Variants in ITPR2 observed in about 807,000 individuals in gnomAD.
ITPR2 encodes inositol 1,4,5-trisphosphate receptor type 2.
In ITPR2, 207 loss-of-function variants were observed where a neutral mutation model predicts 317.1. That is an observed-to-expected ratio of 0.65 (90% confidence interval 0.58 to 0.73). ITPR2 has a LOEUF of 0.73. Among genes scored for constraint, ITPR2 ranks in the 30% least tolerant of loss-of-function variants. ITPR2 has a pLI of 0.00. For missense variants in ITPR2, 2,613 were observed against 3,284.0 expected, an observed-to-expected ratio of 0.80 and a Z score of 4.99; for synonymous variants, 1,156 against 1,149.1, an observed-to-expected ratio of 1.01 and a Z score of -0.12.
rs1002217789 is a variant in ITPR2 at position 26,376,634 on chromosome 12, C to G, written c.7857+10800G>C. Among the ~76,000 whole-genome samples, 3 of 152,170 alleles carry G rather than the reference C, an allele frequency of 2.0e-5. No homozygotes were observed. The East Asian group carries it at 5.8e-4, about 29-fold the overall frequency. Reference sequence around the variant, plus strand: ...CTAAAATGTAAATCTGCTCCTGTCTCTTTGGTTTAATATCTCTGCAGGGCT... The same window carrying G: ...CTAAAATGTAAATCTGCTCCTGTCTGTTTGGTTTAATATCTCTGCAGGGCT... On this transcript the variant is annotated intron_variant, in intron 55 of 56. Transcript: ENST00000381340.
chr12:26,738,818 A>G lies in ITPR2; in HGVS notation c.164-13053T>C, dbSNP rs145601847. On this transcript the variant is annotated intron_variant, in intron 2 of 56. Coordinates refer to ENST00000381340, the MANE Select transcript of ITPR2 (RefSeq NM_002223.4). Reference sequence around the variant, plus strand: ...TAAAATTATTCTTTAAAAATGTATCATGTCCTTTGGATAAGATTAGGTCTT... The same window carrying G: ...TAAAATTATTCTTTAAAAATGTATCGTGTCCTTTGGATAAGATTAGGTCTT... Among the ~76,000 whole-genome samples the G allele has an allele frequency of 1.7e-3, 262 of 152,240 alleles. 1 individual carries two copies. The highest frequency in any genetic ancestry group is 5.9e-3 in the African/African-American group (247 of 41,554).
chr12:26,338,296 C>A lies in ITPR2; in HGVS notation c.*1101G>T, dbSNP rs138991493. On this transcript the variant is annotated 3_prime_UTR_variant, in exon 57 of 57. Transcript: ENST00000381340. The stretch of plus-strand genomic sequence containing the variant: ...AACAATTTGAATAAGAGATTTTTAT[C>A]TTGCTACATTTTGAAAAGCCCTTAC... 6.5e-6 allele frequency: 1 copy of A among 152,724 alleles called. No individual in the cohort carries two copies. The highest frequency in any genetic ancestry group is 2.4e-5 in the African/African-American group (1 of 41,564). The allele number at this position is 152,724 out of a possible 1,614,324, so 9.5% of individuals were successfully genotyped here. A position where few individuals can be genotyped will look rare whatever the true frequency, so the allele number is the denominator to read the frequency against.
intron 24 of ITPR2, 125 bp from the exon 25 acceptor site, chr12:26,622,530 A>G (rs1946523403): frequency 1.4e-6 from 1 of 694,132 alleles, no homozygotes; most frequent in African/African-American, 1.9e-5. Context: ...AGTGAACAGG[A>G]AAACATTTTC....
chr12:26,450,773 G>GGGCT (rs1478073421), intron 45 of ITPR2, among the ~76,000 whole-genome samples: 2 of 152,160 alleles, frequency 1.3e-5, no homozygotes, highest in African/African-American at 4.8e-5. Flanking sequence ...GACACGTGAA[G>GGGCT]GGCTGTACGC....
intron 21 of ITPR2, among the ~76,000 whole-genome samples, chr12:26,641,934 AG>A (rs1239593284): frequency 2.0e-5 from 1 of 48,970 alleles, no homozygotes; most frequent in Non-Finnish European, 3.8e-5. Context: ...AAAGCTTAGA[AG>A]GAAAAAACAA....
At chr12:26,716,114 C>T (rs12812095) in intron 6 of ITPR2, 30 bp downstream of exon 6, 286,336 of 1,372,308 alleles carry the variant, frequency 0.21, 32,056 homozygotes, top group Non-Finnish European at 0.24. Flanking sequence ...GAAAAATGAA[C>T]ACATTCATTC....
intron 1 of ITPR2, among the ~76,000 whole-genome samples, chr12:26,795,840 C>T (rs1164031460): frequency 1.3e-5 from 2 of 152,104 alleles, no homozygotes; most frequent in East Asian, 3.9e-4. Context: ...CAAAAATTAG[C>T]AGGGCGTGGT....
At chr12:26,757,037 C>T (rs141352634) in intron 2 of ITPR2, among the ~76,000 whole-genome samples, 71 of 152,256 alleles carry the variant, frequency 4.7e-4, no homozygotes, top group African/African-American at 1.6e-3. Context: ...CCACCAGTGC[C>T]GTGACAGTTT....
chr12:26,486,972 C>A, intron 40 of ITPR2, 96 bp downstream of exon 40: 45 of 1,235,566 alleles, frequency 3.6e-5, no homozygotes, highest in East Asian at 4.9e-5. Flanking sequence ...GATAATTAAA[C>A]CAAGAGAAGA....
In ITPR2 at chr12:26,439,894, T is replaced by C. The variant is rs1368791288; in HGVS notation, c.6451-575A>G. 2.0e-5 allele frequency among the ~76,000 whole-genome samples: 3 copies of C among 151,744 alleles called. No individual in the cohort carries two copies. The East Asian group carries it at 5.8e-4, about 29-fold the overall frequency. On this transcript the variant is annotated intron_variant, in intron 46 of 56. Coordinates refer to ENST00000381340, the MANE Select transcript of ITPR2 (RefSeq NM_002223.4). ...CCCACATTTAAATACTCATCATTTTTAGCCTCCCTTATTTGTTATTTGTGA... is the reference window on the plus strand; with the variant it reads ...CCCACATTTAAATACTCATCATTTTCAGCCTCCCTTATTTGTTATTTGTGA...
chr12:26,446,312 C>T (rs1020406411), intron 45 of ITPR2, among the ~76,000 whole-genome samples: 4 of 151,956 alleles, frequency 2.6e-5, no homozygotes, highest in African/African-American at 4.8e-5. Flanking sequence ...TATGGGTATA[C>T]GCATGGAGTA....
At chr12:26,525,141 G>T (rs746527499) in intron 37 of ITPR2, among the ~76,000 whole-genome samples, 10 of 152,106 alleles carry the variant, frequency 6.6e-5, no homozygotes, top group African/African-American at 1.2e-4. Context: ...AATTTCCAAA[G>T]ATTTTACTGT....
rs939966292 is a variant in ITPR2 at position 26,381,702 on chromosome 12, G to A, written c.7857+5732C>T. Among the ~76,000 whole-genome samples, 23 of 152,150 alleles carry A rather than the reference G, an allele frequency of 1.5e-4. 1 individual carries two copies. The highest frequency in any genetic ancestry group is 7.4e-5 in the Non-Finnish European group (5 of 68,022). On this transcript the variant is annotated intron_variant, in intron 55 of 56. Coordinates refer to ENST00000381340, the MANE Select transcript of ITPR2 (RefSeq NM_002223.4). ...TTAATCAAGAGAAAAATAAATAGAC[G>A]AGTTTGCAACTGTGATGCAGTAAAA...
At chr12:26,434,647 G>T (rs1941305639) in intron 48 of ITPR2, among the ~76,000 whole-genome samples, 1 of 152,136 alleles carries the variant, frequency 6.6e-6, no homozygotes, top group African/African-American at 2.4e-5. Flanking sequence ...ACGGAGAAGG[G>T]TCCTAGATTG....
chr12:26,633,575 G>A (rs577039546), intron 21 of ITPR2, among the ~76,000 whole-genome samples: 1 of 152,220 alleles, frequency 6.6e-6, no homozygotes, highest in Non-Finnish European at 1.5e-5. Context: ...GAGGCAAAAG[G>A]ATTTGAGCCA....
chr12:26,607,665 C>T (rs1946166869), intron 26 of ITPR2, among the ~76,000 whole-genome samples: 1 of 152,172 alleles, frequency 6.6e-6, no homozygotes, highest in Non-Finnish European at 1.5e-5. Flanking sequence ...GCATTACTTG[C>T]AGATAAGTTC....
intron 39 of ITPR2, among the ~76,000 whole-genome samples, chr12:26,488,287 A>T (rs574854721): frequency 2.0e-5 from 3 of 152,286 alleles, no homozygotes; most frequent in East Asian, 1.9e-4. Context: ...AGAAAACATA[A>T]GAAAAAATAA....
chr12:26,659,315 CTG>C (rs1480156351), intron 15 of ITPR2, 30 bp from the exon 16 acceptor site: 1 of 1,585,126 alleles, frequency 6.3e-7, no homozygotes, highest in African/African-American at 1.3e-5. Context: ...TCAGAATGCA[CTG>C]CCAAACAGCT....
intron 55 of ITPR2, among the ~76,000 whole-genome samples, chr12:26,382,290 T>G (rs1377814437): frequency 6.6e-6 from 1 of 152,234 alleles, no homozygotes; most frequent in Admixed American, 6.5e-5. Context: ...TCTACTCATA[T>G]TTCCCTGAAC....
Sources: gnomAD v4.1 joint callset for allele counts (sites outside exome capture counted in the v4.1 genomes callset) on GRCh38, gnomAD v4.1.1 for gene constraint, MANE v1.5 for transcripts, NCBI Gene and HGNC (gene_info 2026-07-23, HGNC 2026-07-21) for gene names.